PTPRN2: variants seen among roughly 807,000 people sequenced by gnomAD.
PTPRN2 encodes the protein receptor-type tyrosine-protein phosphatase N2.
Under a neutral mutation model 118.8 loss-of-function variants are expected in PTPRN2, and 74 were observed. The ratio of observed to expected loss-of-function variants is 0.62; its 90% CI spans 0.52 to 0.76. The LOEUF (loss-of-function observed/expected upper bound fraction) is 0.76. Ranked by LOEUF, PTPRN2 falls within the 30% of genes least tolerant of loss-of-function variation. PTPRN2 has a pLI of 0.00. For synonymous variants in PTPRN2, 641 were observed against 608.0 expected, an observed-to-expected ratio of 1.05 and a Z score of -0.80; for missense variants, 1,481 against 1,394.4, an observed-to-expected ratio of 1.06 and a Z score of -0.99.
chr7:157,905,950 T>A (rs762260400), intron 11 of PTPRN2, among the ~76,000 whole-genome samples: 3 of 152,144 alleles, frequency 2.0e-5, no homozygotes, highest in Non-Finnish European at 4.4e-5. Context: ...AAGACCTGCA[T>A]CCTGTGCCTC....
chr7:158,139,688 G>A (rs941281612), intron 6 of PTPRN2, among the ~76,000 whole-genome samples: 24 of 152,084 alleles, frequency 1.6e-4, no homozygotes, highest in African/African-American at 2.7e-4. Context: ...CAGCGGGGGC[G>A]GGGCGGGGGG....
At chr7:158,223,829 A>G (rs548213724) in intron 3 of PTPRN2, among the ~76,000 whole-genome samples, 220 of 148,906 alleles carry the variant, frequency 1.5e-3, no homozygotes, top group African/African-American at 5.3e-3. Flanking sequence ...AGGGCAAGAT[A>G]AAAAAAAAAT....
At chr7:157,616,306 A>G (rs1322292251) in intron 15 of PTPRN2, 1 of 152,372 alleles carries the variant, frequency 6.6e-6, no homozygotes, top group Non-Finnish European at 1.5e-5. Context: ...CCCCACCGGC[A>G]CTGTTTCTTT....
intron 21 of PTPRN2, among the ~76,000 whole-genome samples, chr7:157,551,160 A>C (rs1032217171): frequency 6.6e-6 from 1 of 152,132 alleles, no homozygotes; most frequent in Non-Finnish European, 1.5e-5. Context: ...AAGTCCCTGC[A>C]TGGAGAGCGC....
At chr7:157,649,938 T>C (rs62476827) in intron 14 of PTPRN2, among the ~76,000 whole-genome samples, 4,145 of 63,148 alleles carry the variant, frequency 0.066, 275 homozygotes, top group African/African-American at 0.16. Context: ...ACCCATCCAG[T>C]GTGCACTGAA....
At chr7:157,699,822 C>A (rs1272237129) in intron 12 of PTPRN2, among the ~76,000 whole-genome samples, 2 of 152,222 alleles carry the variant, frequency 1.3e-5, no homozygotes, top group Non-Finnish European at 2.9e-5. Flanking sequence ...ATGTGACTCA[C>A]CCTCAGCTGC....
chr7:157,766,040 C>G (rs111072048), intron 12 of PTPRN2, among the ~76,000 whole-genome samples: 6,657 of 150,074 alleles, frequency 0.044, 352 homozygotes, highest in African/African-American at 0.13. Flanking sequence ...TCCAACCAAC[C>G]ATTCATCCTT....
At chr7:157,612,444 A>C (rs777513221) in intron 15 of PTPRN2, among the ~76,000 whole-genome samples, 1 of 152,216 alleles carries the variant, frequency 6.6e-6, no homozygotes, top group Non-Finnish European at 1.5e-5. Flanking sequence ...GGCGCCTCCA[A>C]GGAGCTGAAA....
Position 157,906,932 on chromosome 7 carries a change from A to C in PTPRN2, c.1724-8195T>G, listed in dbSNP as rs77942850. ...GGACCTCTAACATGTCTTAACATCA[A>C]ACACGTGCAGTGACACTTCAGTCTT... On this transcript the variant is annotated intron_variant, in intron 11 of 22. Coordinates refer to ENST00000389418, the MANE Select transcript of PTPRN2 (RefSeq NM_002847.5). Among the ~76,000 whole-genome samples, 18 of 152,280 alleles carry C rather than the reference A, an allele frequency of 1.2e-4. No homozygotes were observed. In the East Asian group the frequency reaches 2.1e-3, roughly 18 times the overall value.
chr7:157,943,296 C>T (rs938617283), intron 11 of PTPRN2, among the ~76,000 whole-genome samples: 2 of 152,264 alleles, frequency 1.3e-5, no homozygotes, highest in South Asian at 2.1e-4. Flanking sequence ...TCTTACTCTG[C>T]GGACCCCCAG....
At chr7:158,584,950 C>T (rs1274548612) in intron 1 of PTPRN2, among the ~76,000 whole-genome samples, 2 of 152,220 alleles carry the variant, frequency 1.3e-5, no homozygotes, top group African/African-American at 4.8e-5. Flanking sequence ...GGAGCAAAAA[C>T]TTGGATCTCC....
At chr7:158,243,389 C>T (rs565945427) in intron 3 of PTPRN2, among the ~76,000 whole-genome samples, 1 of 152,336 alleles carries the variant, frequency 6.6e-6, no homozygotes, top group East Asian at 1.9e-4. Context: ...AAATGATTCC[C>T]ATGTGAGCAC....
intron 11 of PTPRN2, among the ~76,000 whole-genome samples, chr7:157,975,232 C>T (rs1022078661): frequency 6.6e-6 from 1 of 152,180 alleles, no homozygotes; most frequent in Non-Finnish European, 1.5e-5. Context: ...ACTCTCTTGT[C>T]CACCCCATGA....
chr7:158,190,240 C>A (rs1385946783), intron 5 of PTPRN2, among the ~76,000 whole-genome samples: 1 of 152,192 alleles, frequency 6.6e-6, no homozygotes, highest in Admixed American at 6.5e-5. Context: ...GCGGCTCCCC[C>A]TGGCCCCAGA....
intron 3 of PTPRN2, among the ~76,000 whole-genome samples, chr7:158,240,452 G>A (rs1249805954): frequency 1.3e-5 from 2 of 152,120 alleles, no homozygotes; most frequent in African/African-American, 4.8e-5. Context: ...CTTTCGAGAT[G>A]GACTCTCACT....
At chr7:158,178,071 T>TA (rs1563564374) in intron 5 of PTPRN2, among the ~76,000 whole-genome samples, 1 of 152,234 alleles carries the variant, frequency 6.6e-6, no homozygotes, top group East Asian at 1.9e-4. Flanking sequence ...GCCATTCTTA[T>TA]AGGTTTGTAG....
chr7:157,832,121 G>C (rs1445879306), intron 12 of PTPRN2, among the ~76,000 whole-genome samples: 1 of 152,192 alleles, frequency 6.6e-6, no homozygotes, highest in Non-Finnish European at 1.5e-5. Context: ...CATGAGAGGT[G>C]GCACCAAGGC....
chr7:158,329,196 G>C (rs1189053015), intron 2 of PTPRN2, among the ~76,000 whole-genome samples: 11 of 152,224 alleles, frequency 7.2e-5, no homozygotes, highest in Non-Finnish European at 1.6e-4. Flanking sequence ...GGCCAGGCGG[G>C]GCAGGGGGAA....
chr7:158,217,659 A>G (rs1485126632), intron 3 of PTPRN2, among the ~76,000 whole-genome samples: 1 of 152,218 alleles, frequency 6.6e-6, no homozygotes, highest in Non-Finnish European at 1.5e-5. Flanking sequence ...ATGGCAAGGA[A>G]GCTCAATGAG....
Sources: allele counts gnomAD v4.1 joint callset (sites outside exome capture counted in the v4.1 genomes callset), GRCh38; gene constraint gnomAD v4.1.1; transcripts MANE v1.5; gene names NCBI Gene and HGNC (gene_info 2026-07-23, HGNC 2026-07-21).